MCF2L: variants seen among roughly 807,000 people sequenced by gnomAD.
MCF2L encodes the protein guanine nucleotide exchange factor DBS.
In MCF2L, 97 loss-of-function variants were observed where a neutral mutation model predicts 153.4. That is an observed-to-expected ratio of 0.63 (90% confidence interval 0.54 to 0.75). The LOEUF is 0.75. Ranked by LOEUF, MCF2L falls within the 30% of genes least tolerant of loss-of-function variation. The pLI is 0.00. For missense variants in MCF2L, 1,347 were observed against 1,495.2 expected (o/e 0.90, Z 1.64); for synonymous variants, 659 against 632.2 (o/e 1.04, Z -0.64).
intron 1 of MCF2L, among the ~76,000 whole-genome samples, chr13:112,898,012 G>C (rs982984820): frequency 2.0e-5 from 3 of 152,234 alleles, no homozygotes; most frequent in Non-Finnish European, 4.4e-5. Flanking sequence ...CCTGGGTCAT[G>C]GCTTTGCAGC....
chr13:113,033,324 C>A (rs1331115399), intron 3 of MCF2L, among the ~76,000 whole-genome samples: 6 of 50,274 alleles, frequency 1.2e-4, no homozygotes, highest in South Asian at 7.4e-4. Flanking sequence ...GCCCCTGTGG[C>A]GTGAGTGGCC....
rs2086819769 is a variant in MCF2L, at chr13:113,046,462, C to T, written c.369+1101C>T. ...TGAAGTCAGATTCTCCTGGCCTTTCCTGGGTCCCGCGTTCAGACTACCTTT... is the reference window on the plus strand; with the variant it reads ...TGAAGTCAGATTCTCCTGGCCTTTCTTGGGTCCCGCGTTCAGACTACCTTT... On this transcript the variant is annotated intron_variant, in intron 4 of 29. Coordinates refer to ENST00000535094, the MANE Select transcript of MCF2L (RefSeq NM_001112732.3). This position sits in a 1 kb window ranked among gnomAD's most constrained non-coding sequence, Gnocchi z 4.4. 1 of 493,054 alleles carries T rather than the reference C, an allele frequency of 2.0e-6. No individual in the cohort carries two copies. 30.5% of individuals were successfully genotyped at this position (493,054 alleles called of 1,614,324 possible).
intron 1 of MCF2L, among the ~76,000 whole-genome samples, chr13:112,970,749 G>A (rs986528144): frequency 2.0e-5 from 3 of 152,096 alleles, no homozygotes; most frequent in Non-Finnish European, 4.4e-5. Context: ...TTAGGGATTG[G>A]GGTTTCTTCA....
At chr13:112,909,466 C>T (rs571208256) in intron 2 of MCF2L, 21 of 601,636 alleles carry the variant, frequency 3.5e-5, no homozygotes, top group South Asian at 1.8e-4. Flanking sequence ...CAAACGTCTT[C>T]GTCAGGAGCG....
intron 2 of MCF2L, among the ~76,000 whole-genome samples, chr13:113,021,685 G>C (rs1164200160): frequency 6.6e-6 from 1 of 152,230 alleles, no homozygotes; most frequent in Non-Finnish European, 1.5e-5. Context: ...TTGGTGGGGA[G>C]GGTTTCTCCA....
intron 4 of MCF2L, among the ~76,000 whole-genome samples, chr13:113,055,122 C>T (rs9577450): frequency 0.064 from 9,769 of 152,100 alleles, 915 homozygotes; most frequent in African/African-American, 0.21. Flanking sequence ...ATTTTATTTG[C>T]TGTTATATTT....
At chr13:112,918,055 T>G (rs1311827261) in intron 2 of MCF2L, among the ~76,000 whole-genome samples, 1 of 152,252 alleles carries the variant, frequency 6.6e-6, no homozygotes, top group Non-Finnish European at 1.5e-5. Flanking sequence ...GCATAATTAT[T>G]TGAGGATTTG....
At position 113,096,667 on chromosome 13, in the gene MCF2L, G is replaced by A; in HGVS notation, c.3292+14G>A. The A allele has an allele frequency of 6.4e-7, 1 of 1,574,558 alleles. No homozygotes were observed. The highest frequency in any genetic ancestry group is 2.3e-5 in the East Asian group (1 of 43,426). On this transcript the variant is annotated intron_variant, in intron 29 of 29. Transcript: ENST00000535094. ...TGAGCAGCTCAGGTAAGGCCCACGT[G>A]CCCCGAGCCCACCCGTGACGCTGCC...
At chr13:112,910,403 T>A (rs2081218860) in intron 2 of MCF2L, 2 of 152,240 alleles carry the variant, frequency 1.3e-5, no homozygotes, top group Admixed American at 1.3e-4. Flanking sequence ...TTATTTATAA[T>A]TATGAACACT....
intron 2 of MCF2L, chr13:112,957,796 T>G (rs927246273): frequency 1.3e-5 from 2 of 152,212 alleles, no homozygotes; most frequent in African/African-American, 4.8e-5. Flanking sequence ...GAATTCTGCT[T>G]TGGTGGATGA....
At position 113,097,157 on chromosome 13, in the gene MCF2L, G is replaced by A. The variant is rs866894182; in HGVS notation, c.*298G>A. 54 of 294,874 alleles carry A rather than the reference G, an allele frequency of 1.8e-4. No homozygotes were observed. In the Middle Eastern group the frequency reaches 9.5e-3, roughly 52 times the overall value. 18.3% of individuals were successfully genotyped at this position (294,874 alleles called of 1,614,324 possible). A position where few individuals can be genotyped will look rare whatever the true frequency, so the allele number is the denominator to read the frequency against. On this transcript the variant is annotated 3_prime_UTR_variant, in exon 30 of 30. Transcript: ENST00000535094. ...GCTCCACCGTGCTGCTTCTGCCTCTGGACGGTGCTTTCAGGGGACGCGCGG... is the reference window on the plus strand; with the variant it reads ...GCTCCACCGTGCTGCTTCTGCCTCTAGACGGTGCTTTCAGGGGACGCGCGG...
At chr13:113,029,909 G>T (rs1273372014) in intron 3 of MCF2L, among the ~76,000 whole-genome samples, 1 of 152,200 alleles carries the variant, frequency 6.6e-6, no homozygotes, top group Non-Finnish European at 1.5e-5. Context: ...CAAATCTCTC[G>T]TGAAGGCTGC....
chr13:113,074,271 T>A lies in MCF2L; in HGVS notation c.997-173T>A, dbSNP rs539919809. On this transcript the variant is annotated intron_variant, in intron 9 of 29. Transcript: ENST00000535094. The surrounding 1 kb of genome is among the most constrained non-coding windows in gnomAD (Gnocchi z 4.2). ...AGAGGCCCCACGGTCCCCGCTTGAT[T>A]GGTGACCACTCGGGGCCGACTTTGC... Among the ~76,000 whole-genome samples, 152 of 152,272 alleles carry A rather than the reference T, an allele frequency of 1.0e-3. 2 individuals carry two copies. Among genetic ancestry groups the A allele is most frequent in the Middle Eastern group, 6.8e-3 (2 of 294 alleles).
chr13:112,958,026 C>A (rs1265208977), intron 2 of MCF2L: 2 of 152,246 alleles, frequency 1.3e-5, no homozygotes, highest in African/African-American at 2.4e-5. Flanking sequence ...GCATCCAACT[C>A]TTCTGACTCC....
chr13:112,969,157 T>C, upstream of MCF2L: 1 of 441,780 alleles, frequency 2.3e-6, no homozygotes, highest in African/African-American at 2.1e-5. This position sits in a 1 kb window ranked among gnomAD's most constrained non-coding sequence, Gnocchi z 4.8. Flanking sequence ...CCGCTTCCGC[T>C]TCCGCCGAGC....
chr13:113,015,242 C>T (rs908987128), intron 2 of MCF2L, among the ~76,000 whole-genome samples: 11 of 152,342 alleles, frequency 7.2e-5, no homozygotes, highest in East Asian at 5.8e-4. Flanking sequence ...TCCAGCCCTG[C>T]GTCTGGCACA....
chr13:112,900,332 G>A (rs1452093173), intron 1 of MCF2L, among the ~76,000 whole-genome samples: 1 of 152,264 alleles, frequency 6.6e-6, no homozygotes, highest in African/African-American at 2.4e-5. Context: ...GGACAAGGTG[G>A]TGAGCACAGC....
intron 1 of MCF2L, among the ~76,000 whole-genome samples, chr13:112,971,725 T>A (rs77830249): frequency 0.015 from 2,255 of 152,298 alleles, 42 homozygotes; most frequent in African/African-American, 0.051. Flanking sequence ...GAATTGACAT[T>A]TTATATACTT....
At chr13:113,090,775 A>G in intron 26 of MCF2L, 1 of 985,446 alleles carries the variant, frequency 1.0e-6, no homozygotes, top group Non-Finnish European at 1.2e-6. Context: ...CAATTTATAA[A>G]ATGCTTTTAA....
Sources: gnomAD v4.1 joint callset for allele counts (sites outside exome capture counted in the v4.1 genomes callset) on GRCh38, gnomAD v4.1.1 for gene constraint, Gnocchi (gnomAD v3.1) non-coding constraint, MANE v1.5 for transcripts, NCBI Gene and HGNC (gene_info 2026-07-23, HGNC 2026-07-21) for gene names.